The following MCC variants were observed in gnomAD, a reference collection of about 807,000 sequenced individuals.
The protein encoded by MCC is MCC regulator of Wnt signaling pathway.
In MCC, 90 loss-of-function variants were observed where a neutral mutation model predicts 116.2. The observed-to-expected ratio is 0.77, with a 90% CI of 0.65 to 0.92. The LOEUF is 0.92. MCC is among the 40% of genes least tolerant of loss of function. The pLI, the probability that MCC is intolerant of heterozygous loss-of-function variation, is 0.00. For missense variants in MCC, 1,516 were observed against 1,312.2 expected, an observed-to-expected ratio of 1.16 and a Z score of -2.40; for synonymous variants, 578 against 510.5, an observed-to-expected ratio of 1.13 and a Z score of -1.78.
chr5:113,101,953 A>C lies in MCC; in HGVS notation c.1192-8T>G. On this transcript the variant is annotated splice_polypyrimidine_tract_variant and splice_region_variant and intron_variant, in intron 7 of 18. Transcript: ENST00000408903. ...CTCAATCTCCTCGACTGTCTGTAAA[A>C]CACAGCCCCAAAGAAAAGTCAAGTA... The C allele has an allele frequency of 6.2e-7, 1 of 1,613,950 alleles. No individual in the cohort carries two copies. The highest frequency in any genetic ancestry group is 2.2e-5 in the East Asian group (1 of 44,866).
chr5:113,337,326 C>T (rs151125194), intron 3 of MCC, among the ~76,000 whole-genome samples: 6 of 152,178 alleles, frequency 3.9e-5, no homozygotes, highest in Non-Finnish European at 5.9e-5. Context: ...TGCAGATGCC[C>T]CAATGGGTGG....
At chr5:113,342,414 T>G (rs755963962) in intron 2 of MCC, among the ~76,000 whole-genome samples, 15 of 152,352 alleles carry the variant, frequency 9.8e-5, no homozygotes, top group South Asian at 2.1e-4. Context: ...GAACTTCCAT[T>G]GTTTTTGATT....
chr5:113,269,610 A>G (rs1765539726), intron 3 of MCC, among the ~76,000 whole-genome samples: 1 of 152,176 alleles, frequency 6.6e-6, no homozygotes, highest in Admixed American at 6.5e-5. Flanking sequence ...CTCAGGATGG[A>G]GCTTTGCTAA....
rs770233374 is a variant in MCC at position 113,448,478 on chromosome 5, T to A, written c.170+39767A>T. On this transcript the variant is annotated intron_variant, in intron 1 of 18. Coordinates refer to ENST00000408903, the MANE Select transcript of MCC (RefSeq NM_001085377.2). ...CAGTCTAAATAGCAAAGAAAGGCCA[T>A]AATGACCTTAAGTGGAAAAGAATTA... is the stretch of plus-strand genomic sequence containing the variant. 7.8e-4 allele frequency among the ~76,000 whole-genome samples: 119 copies of A among 152,310 alleles called. 1 individual carries two copies. Among genetic ancestry groups the A allele is most frequent in the South Asian group, 2.1e-3 (10 of 4,826 alleles).
At chr5:113,056,022 T>C (rs1220263540) in intron 14 of MCC, among the ~76,000 whole-genome samples, 1 of 152,212 alleles carries the variant, frequency 6.6e-6, no homozygotes. Context: ...GCCAATTCCT[T>C]AAAATAAATC....
At chr5:113,342,283 T>C (rs950316956) in intron 2 of MCC, among the ~76,000 whole-genome samples, 2 of 152,244 alleles carry the variant, frequency 1.3e-5, no homozygotes. Flanking sequence ...CAATAGCGAA[T>C]TGTGCTGGTA....
Position 113,024,918 on chromosome 5 carries a change from A to G in MCC, c.*2384T>C, listed in dbSNP as rs1750425068. 1 of 152,214 alleles carries G rather than the reference A, an allele frequency of 6.6e-6. No individual in the cohort carries two copies. Among genetic ancestry groups the G allele is most frequent in the Non-Finnish European group, 1.5e-5 (1 of 68,046 alleles). The allele number at this position is 152,214 out of a possible 1,614,324, so 9.4% of individuals were successfully genotyped here. On this transcript the variant is annotated 3_prime_UTR_variant, in exon 19 of 19. Transcript: ENST00000408903. ...AAATTAACACTTTTGCCTGCAAAATAGTTTTTACCCAAATCACATTTGAAA... is the reference window on the plus strand; with the variant it reads ...AAATTAACACTTTTGCCTGCAAAATGGTTTTTACCCAAATCACATTTGAAA...
At chr5:113,429,491 A>AG (rs1018779710) in intron 1 of MCC, among the ~76,000 whole-genome samples, 1 of 152,176 alleles carries the variant, frequency 6.6e-6, no homozygotes, top group Non-Finnish European at 1.5e-5. Context: ...TGACTAAGAT[A>AG]GGGGGTGAAG....
At chr5:113,044,594 G>C (rs1751947243) in intron 16 of MCC, 1 of 534,742 alleles carries the variant, frequency 1.9e-6, no homozygotes, top group Non-Finnish European at 2.4e-6. Flanking sequence ...TGTTTTTTGA[G>C]ATGGAGTTTT....
chr5:113,336,351 T>G (rs562608332), intron 3 of MCC, among the ~76,000 whole-genome samples: 1 of 151,828 alleles, frequency 6.6e-6, no homozygotes, highest in South Asian at 2.1e-4. Flanking sequence ...GTACCAGGCT[T>G]GCAGTAATTC....
At chr5:113,031,647 A>C (rs1301503316) in intron 17 of MCC, among the ~76,000 whole-genome samples, 1 of 151,920 alleles carries the variant, frequency 6.6e-6, no homozygotes, top group Non-Finnish European at 1.5e-5. Context: ...ACAACAAAAA[A>C]CTCTGGGATG....
chr5:113,390,831 A>G (rs140506824), intron 1 of MCC, among the ~76,000 whole-genome samples: 1,743 of 152,300 alleles, frequency 0.011, 45 homozygotes, highest in African/African-American at 0.04. Flanking sequence ...AGACCCCTGG[A>G]CCTAGTAGGT....
At chr5:113,171,504 A>C (rs1437391149) in intron 3 of MCC, among the ~76,000 whole-genome samples, 1 of 151,836 alleles carries the variant, frequency 6.6e-6, no homozygotes. Flanking sequence ...ACAGGCATGC[A>C]CTATTACACC....
At chr5:113,032,138 C>G (rs1750996262) in intron 17 of MCC, among the ~76,000 whole-genome samples, 1 of 152,204 alleles carries the variant, frequency 6.6e-6, no homozygotes, top group Admixed American at 6.5e-5. Flanking sequence ...GGGCCGGGCG[C>G]TGTGGCTCAC....
chr5:113,406,113 T>C (rs913363992), intron 1 of MCC, among the ~76,000 whole-genome samples: 1 of 152,190 alleles, frequency 6.6e-6, no homozygotes, highest in Non-Finnish European at 1.5e-5. Context: ...AGAAAGAACA[T>C]TCAAACTTGT....
At chr5:113,323,352 GAA>G (rs1405800270) in intron 3 of MCC, 2 of 152,292 alleles carry the variant, frequency 1.3e-5, no homozygotes, top group South Asian at 4.1e-4. Context: ...AACTAATACA[GAA>G]GAGAGGTGGG....
At chr5:113,238,232 G>T (rs73778997) in intron 3 of MCC, among the ~76,000 whole-genome samples, 2,417 of 152,144 alleles carry the variant, frequency 0.016, 69 homozygotes, top group African/African-American at 0.056. Context: ...TGAGCTTCTG[G>T]CACTTTTCAG....
chr5:113,059,354 G>T (rs1189011413), intron 14 of MCC, among the ~76,000 whole-genome samples: 1 of 152,186 alleles, frequency 6.6e-6, no homozygotes, highest in East Asian at 1.9e-4. Context: ...ACGTTTCACT[G>T]CGGAATATGA....
chr5:113,332,207 G>A (rs1767714205), intron 3 of MCC, among the ~76,000 whole-genome samples: 4 of 151,224 alleles, frequency 2.6e-5, no homozygotes, highest in Admixed American at 2.6e-4. Context: ...TTGAGACAAT[G>A]TCTTGCTATG....
Sources: allele counts gnomAD v4.1 joint callset (sites outside exome capture counted in the v4.1 genomes callset), GRCh38; gene constraint gnomAD v4.1.1; transcripts MANE v1.5; gene names NCBI Gene and HGNC (gene_info 2026-07-23, HGNC 2026-07-21).